Variants in DOP1A observed in about 807,000 individuals in gnomAD.
DOP1A encodes the protein protein DOP1A.
Under a neutral mutation model 267.6 loss-of-function variants are expected in DOP1A, and 90 were observed. The observed-to-expected ratio is 0.34, with a 90% CI of 0.28 to 0.40. The LOEUF (loss-of-function observed/expected upper bound fraction) is 0.40. Among genes scored for constraint, DOP1A ranks in the 10% least tolerant of loss-of-function variants. The pLI, the probability that DOP1A is intolerant of heterozygous loss-of-function variation, is 1.00. For synonymous variants in DOP1A, 932 were observed against 999.1 expected, an observed-to-expected ratio of 0.93 and a Z score of 1.27; for missense variants, 2,437 against 2,900.4, an observed-to-expected ratio of 0.84 and a Z score of 3.67.
rs1323149402 is a variant in DOP1A at position 83,153,925 on chromosome 6, G to A, written c.6271G>A (p.Val2091Ile). The A allele has an allele frequency of 1.2e-6, 2 of 1,613,318 alleles. No individual in the cohort carries two copies. Among genetic ancestry groups the A allele is most frequent in the Non-Finnish European group, 1.7e-6 (2 of 1,179,874 alleles). Reference sequence around the variant, plus strand: ...TAATGCCCCTAGTTATCGAGCTTGTGTCCAGCTGCTCAGCAGTCTTAGTGG... The same window carrying A: ...TAATGCCCCTAGTTATCGAGCTTGTATCCAGCTGCTCAGCAGTCTTAGTGG... ...AHNAPSYRAC[V>I]QLLSSLSGYQ... The change falls in exon 32 of 39, where the codon GTC becomes ATC. Residue 2091 changes from valine to isoleucine, a missense_variant. This residue lies in a region of DOP1A where 216 missense variants were observed against 283.3 expected (regional missense o/e 0.76). Coordinates refer to ENST00000349129, the MANE Select transcript of DOP1A (RefSeq NM_015018.4).
chr6:83,082,761 A>G (rs1407025460), intron 1 of DOP1A, among the ~76,000 whole-genome samples: 1 of 151,854 alleles, frequency 6.6e-6, no homozygotes, highest in East Asian at 1.9e-4. Context: ...ACATAATACA[A>G]TTTTATCTGT....
intron 1 of DOP1A, among the ~76,000 whole-genome samples, chr6:83,081,842 A>G (rs1768130547): frequency 6.6e-6 from 1 of 152,222 alleles, no homozygotes; most frequent in Admixed American, 6.5e-5. Context: ...AATAGCAAGT[A>G]AACAACTTGA....
intron 1 of DOP1A, among the ~76,000 whole-genome samples, chr6:83,077,588 A>T (rs189066600): frequency 1.5e-4 from 23 of 152,124 alleles, no homozygotes; most frequent in East Asian, 9.7e-4. Context: ...AGGCAAGAGG[A>T]TTGCTTGAGC....
intron 10 of DOP1A, 144 bp downstream of exon 10, chr6:83,120,935 C>A: frequency 1.9e-6 from 1 of 526,946 alleles, no homozygotes; most frequent in Non-Finnish European, 3.2e-6. Flanking sequence ...GTTCACTCTA[C>A]AAAGTTAAGA....
chr6:83,121,421 T>G (rs1180358362), intron 10 of DOP1A, among the ~76,000 whole-genome samples: 1 of 151,710 alleles, frequency 6.6e-6, no homozygotes. Flanking sequence ...TGGTAACAGA[T>G]GAAGCTCAGG....
intron 15 of DOP1A, among the ~76,000 whole-genome samples, chr6:83,126,429 C>T (rs1386859511): frequency 6.6e-6 from 1 of 152,064 alleles, no homozygotes; most frequent in African/African-American, 2.4e-5. Flanking sequence ...TAGGATTTGT[C>T]TGTCTCCTGC....
At chr6:83,166,229 T>C (rs1785513483) in intron 38 of DOP1A, 2 of 512,526 alleles carry the variant, frequency 3.9e-6, no homozygotes, top group Non-Finnish European at 6.9e-6. Context: ...CGAACGACCA[T>C]AAAATGGTCA....
At position 83,137,398 on chromosome 6, in the gene DOP1A, G is replaced by A. The variant is rs1271429086; in HGVS notation, c.3356G>A (p.Gly1119Glu). The A allele has an allele frequency of 1.2e-6, 2 of 1,613,654 alleles. No individual in the cohort carries two copies. Among genetic ancestry groups the A allele is most frequent in the South Asian group, 1.1e-5 (1 of 91,066 alleles). Reference sequence around the variant, plus strand: ...TCGGGATGTTCACAGTCCTCTGCTGGGGACAACTTGAGTTACGAAGTTGAT... The same window carrying A: ...TCGGGATGTTCACAGTCCTCTGCTGAGGACAACTTGAGTTACGAAGTTGAT... Reference protein sequence around the residue: ...SDSGCSQSSAGDNLSYEVDPE... With the variant: ...SDSGCSQSSAEDNLSYEVDPE... Residue 1119 changes from glycine to glutamate, a missense_variant, in exon 21 of 39, where the codon GGG becomes GAG. Around this residue, in one of 9 missense-constraint regions of DOP1A, gnomAD observed 878 missense variants for 992.9 expected, o/e 0.88. Coordinates refer to ENST00000349129, the MANE Select transcript of DOP1A (RefSeq NM_015018.4).
At chr6:83,068,828 G>C (rs970352199) in intron 1 of DOP1A, among the ~76,000 whole-genome samples, 1 of 152,192 alleles carries the variant, frequency 6.6e-6, no homozygotes, top group South Asian at 2.1e-4. Flanking sequence ...TTAAAACCAC[G>C]AGTAGTCTAA....
At chr6:83,164,493 AAAT>A (rs1373284354) in intron 38 of DOP1A, among the ~76,000 whole-genome samples, 13 of 152,216 alleles carry the variant, frequency 8.5e-5, no homozygotes, top group Admixed American at 5.9e-4. Context: ...TCCTTTATCT[AAAT>A]AATAAATATG....
At chr6:83,149,111 A>G (rs1471586029) in intron 27 of DOP1A, among the ~76,000 whole-genome samples, 2 of 152,186 alleles carry the variant, frequency 1.3e-5, no homozygotes, top group African/African-American at 4.8e-5. Context: ...AACTGTTACA[A>G]CAGTAGCTGT....
chr6:83,129,117 C>T lies in DOP1A; in HGVS notation c.1950C>T (p.Ile650=), dbSNP rs1377718495. 8 of 1,614,000 alleles carry T rather than the reference C, an allele frequency of 5.0e-6. No individual in the cohort carries two copies. The East Asian group carries it at 1.8e-4, about 36-fold the overall frequency. Residue 650 remains isoleucine, a synonymous_variant, in exon 16 of 39, where the codon ATC becomes ATT. Transcript: ENST00000349129. ...CCACTGTGGGATCTGAAGAAACCAT[C>T]ATCCAGACCCCTTCCGTAGTCACTC... The part of the protein sequence containing the change: ...TASTVGSEET[I]IQTPSVVTQG...
At chr6:83,123,066 T>A in intron 12 of DOP1A, 84 bp downstream of exon 12, 1 of 1,422,146 alleles carries the variant, frequency 7.0e-7, no homozygotes, top group South Asian at 1.4e-5. Context: ...ATTTAATGAA[T>A]GTTCTTTTAT....
chr6:83,160,415 T>C (rs1388501419), intron 37 of DOP1A, among the ~76,000 whole-genome samples: 1 of 152,238 alleles, frequency 6.6e-6, no homozygotes, highest in Non-Finnish European at 1.5e-5. Context: ...GAGAGATTGG[T>C]ATTGCTGGAG....
At chr6:83,091,079 A>G (rs538838141) in intron 1 of DOP1A, among the ~76,000 whole-genome samples, 1 of 151,808 alleles carries the variant, frequency 6.6e-6, no homozygotes, top group Non-Finnish European at 1.5e-5. Flanking sequence ...TCACATCTTA[A>G]TGGATGGCAG....
chr6:83,144,850 G>T (rs1780244073), intron 24 of DOP1A, among the ~76,000 whole-genome samples: 1 of 151,502 alleles, frequency 6.6e-6, no homozygotes, highest in South Asian at 2.1e-4. Flanking sequence ...AAAGCTTATT[G>T]TTCTGTTTTA....
intron 37 of DOP1A, 76 bp downstream of exon 37, chr6:83,160,036 TAA>T: frequency 7.0e-7 from 1 of 1,426,410 alleles, no homozygotes; most frequent in Non-Finnish European, 9.6e-7. Flanking sequence ...TATGACTAAT[TAA>T]AAAGTTTTTT....
rs553914272 is a variant in DOP1A, at chr6:83,099,355, T to A, written c.139-1350T>A. 3.9e-5 allele frequency among the ~76,000 whole-genome samples: 6 copies of A among 152,352 alleles called. No individual in the cohort carries two copies. The South Asian group carries it at 1.2e-3, about 32-fold the overall frequency. On this transcript the variant is annotated intron_variant, in intron 3 of 38. Coordinates refer to ENST00000349129, the MANE Select transcript of DOP1A (RefSeq NM_015018.4). ...GTTAGAACTTCTAACATTTATCTTTTGAAGTTTGAATAATTCTTTATTCCT... is the reference window on the plus strand; with the variant it reads ...GTTAGAACTTCTAACATTTATCTTTAGAAGTTTGAATAATTCTTTATTCCT...
At chr6:83,148,964 C>CT (rs1781065628) in intron 27 of DOP1A, 101 bp downstream of exon 27, 1 of 654,136 alleles carries the variant, frequency 1.5e-6, no homozygotes, top group South Asian at 3.0e-5. Flanking sequence ...AGTGATCTCT[C>CT]TACCTTCTCA....
Sources: gnomAD v4.1 joint callset for allele counts (sites outside exome capture counted in the v4.1 genomes callset) on GRCh38, gnomAD v4.1.1 for gene constraint, gnomAD v4.1.1 regional missense constraint, MANE v1.5 for transcripts, NCBI Gene and HGNC (gene_info 2026-07-23, HGNC 2026-07-21) for gene names.